The following LAMA4 variants were observed in gnomAD, a reference collection of about 807,000 sequenced individuals.
The protein encoded by LAMA4 is laminin subunit alpha-4.
Under a neutral mutation model 207.1 loss-of-function variants are expected in LAMA4, and 127 were observed. The observed-to-expected ratio is 0.61, with a 90% CI of 0.53 to 0.71. The LOEUF is 0.71. Among genes scored for constraint, LAMA4 ranks in the 30% least tolerant of loss-of-function variants. The pLI is 0.00. For missense variants in LAMA4, 2,093 were observed against 2,246.5 expected (o/e 0.93, Z 1.38); for synonymous variants, 761 against 816.0 (o/e 0.93, Z 1.15).
intron 14 of LAMA4, among the ~76,000 whole-genome samples, chr6:112,156,620 T>A (rs558791927): frequency 2.0e-4 from 30 of 152,300 alleles, no homozygotes; most frequent in Non-Finnish European, 1.5e-5. Context: ...TCCTTATTTT[T>A]TTTTCTCAGT....
At chr6:112,150,675 G>C (rs549638377) in intron 16 of LAMA4, 48 bp from the exon 17 acceptor site, 39 of 1,296,446 alleles carry the variant, frequency 3.0e-5, no homozygotes, top group Non-Finnish European at 4.4e-5. Context: ...AAGATGCCTC[G>C]AAAAGGATTC....
chr6:112,235,888 G>C (rs12206703), intron 2 of LAMA4, among the ~76,000 whole-genome samples: 40,510 of 152,076 alleles, frequency 0.27, 6,559 homozygotes, highest in Non-Finnish European at 0.37. Context: ...GCATGATTTG[G>C]TTATAAATTA....
At chr6:112,173,342 A>G (rs1185615517) in intron 11 of LAMA4, among the ~76,000 whole-genome samples, 1 of 152,230 alleles carries the variant, frequency 6.6e-6, no homozygotes, top group Non-Finnish European at 1.5e-5. Flanking sequence ...TGTGTCTTTT[A>G]TTCTCTGCTC....
intron 10 of LAMA4, 99 bp downstream of exon 10, chr6:112,178,022 G>A (rs1782123688): frequency 2.3e-6 from 2 of 868,928 alleles, no homozygotes; most frequent in Non-Finnish European, 2.0e-6. Flanking sequence ...CAAGTTCCTG[G>A]CACACAGCAA....
chr6:112,253,602 G>C, intron 2 of LAMA4: 1 of 773,206 alleles, frequency 1.3e-6, no homozygotes, highest in Non-Finnish European at 2.2e-6. Context: ...GGGCACACAC[G>C]TTAAGTGCCG....
chr6:112,115,662 A>T (rs769284233), intron 36 of LAMA4, among the ~76,000 whole-genome samples: 11 of 152,126 alleles, frequency 7.2e-5, no homozygotes, highest in Non-Finnish European at 1.5e-4. Flanking sequence ...TATTTTTATG[A>T]CTCTTTGTTT....
At chr6:112,184,324 G>GAAA (rs576885972) in intron 9 of LAMA4, among the ~76,000 whole-genome samples, 22 of 120,802 alleles carry the variant, frequency 1.8e-4, no homozygotes, top group South Asian at 2.6e-4. Flanking sequence ...AATATCATTA[G>GAAA]AAAAAAAAAA....
At chr6:112,210,739 G>C (rs1784314865) in intron 3 of LAMA4, among the ~76,000 whole-genome samples, 1 of 152,068 alleles carries the variant, frequency 6.6e-6, no homozygotes, top group Admixed American at 6.5e-5. Context: ...CACAACACAA[G>C]ATATCACACA....
intron 3 of LAMA4, 86 bp downstream of exon 3, chr6:112,216,282 C>T: frequency 1.1e-6 from 1 of 937,024 alleles, no homozygotes. Context: ...TCCTATGTGG[C>T]TCAAACATCC....
At chr6:112,238,138 C>T (rs2114329840) in intron 2 of LAMA4, among the ~76,000 whole-genome samples, 1 of 152,282 alleles carries the variant, frequency 6.6e-6, no homozygotes, top group Middle Eastern at 3.4e-3. Context: ...CATGAAGTCA[C>T]CTGGGAATGT....
intron 24 of LAMA4, 109 bp downstream of exon 24, chr6:112,139,011 T>C: frequency 8.9e-7 from 1 of 1,129,060 alleles, no homozygotes; most frequent in Non-Finnish European, 1.3e-6. Flanking sequence ...TAAACTAGAA[T>C]TTCAGTTTGA....
At chr6:112,167,840 TCACACACACACACA>T (rs71021873) in intron 12 of LAMA4, among the ~76,000 whole-genome samples, 3,646 of 125,892 alleles carry the variant, frequency 0.029, 88 homozygotes, top group African/African-American at 0.059. Context: ...ATGCATACCA[TCACACACACACACA>T]CACACACACA....
chr6:112,191,693 A>T lies in LAMA4; in HGVS notation c.661T>A (p.Cys221Ser). 6.2e-7 allele frequency: 1 copy of T among 1,614,128 alleles called. No individual in the cohort carries two copies. Among genetic ancestry groups the T allele is most frequent in the Non-Finnish European group, 8.5e-7 (1 of 1,180,002 alleles). ...NCLRNTTGFK[C>S]ERCAPGYYGD... is the part of the protein sequence containing the mutation. ...TAGTAGCCAGGAGCGCAACGTTCACACTTGAATCCGGTGGTGTTGCGTAAG... is the reference window on the plus strand; with the variant it reads ...TAGTAGCCAGGAGCGCAACGTTCACTCTTGAATCCGGTGGTGTTGCGTAAG... Residue 221 changes from cysteine (C) to serine (S), a missense_variant, in exon 6 of 39, where the codon TGT (cysteine) becomes AGT (serine). By Grantham distance (112) the Cys-to-Ser change is moderately radical. Around this residue, in one of 3 missense-constraint regions of LAMA4, gnomAD observed 1,704 missense variants for 1,788.4 expected, o/e 0.95. Transcript: ENST00000230538.
chr6:112,254,828 G>A (rs1787751766), upstream of LAMA4: 1 of 152,520 alleles, frequency 6.6e-6, no homozygotes, highest in Admixed American at 6.5e-5. Context: ...AGGAAAGTGG[G>A]TGGAAAAGGG....
rs895743921 is a variant in LAMA4, at chr6:112,136,641, G to A, written c.3283-387C>T. Among the ~76,000 whole-genome samples, 5 of 149,438 alleles carry A rather than the reference G, an allele frequency of 3.3e-5. No individual in the cohort carries two copies. The East Asian group carries it at 9.8e-4, about 29-fold the overall frequency. ...CGGGAGGTGGAAGTTACAGTGAGCC[G>A]AGATCGTGACACTGCACTCCAGCCT... On this transcript the variant is annotated intron_variant, in intron 24 of 38. Transcript: ENST00000230538.
intron 2 of LAMA4, among the ~76,000 whole-genome samples, chr6:112,222,411 C>T (rs548792042): frequency 1.3e-5 from 2 of 152,274 alleles, no homozygotes; most frequent in Admixed American, 6.5e-5. Context: ...CCCTACTTGG[C>T]CTAGAGAGTT....
intron 2 of LAMA4, among the ~76,000 whole-genome samples, chr6:112,240,274 G>T (rs1786312882): frequency 6.6e-6 from 1 of 151,730 alleles, no homozygotes. Flanking sequence ...TAAAATTGTT[G>T]TGGGTAAATA....
intron 13 of LAMA4, chr6:112,162,307 C>T (rs1217437264): frequency 1.3e-5 from 2 of 152,062 alleles, no homozygotes; most frequent in African/African-American, 4.8e-5. Context: ...TCCATCTCTA[C>T]TAAAAATACA....
intron 12 of LAMA4, among the ~76,000 whole-genome samples, chr6:112,168,508 G>A (rs1229058449): frequency 6.6e-6 from 1 of 151,866 alleles, no homozygotes; most frequent in Non-Finnish European, 1.5e-5. Flanking sequence ...ACCATGCCCA[G>A]CTAATTTTTG....
Sources: gnomAD v4.1 joint callset for allele counts (sites outside exome capture counted in the v4.1 genomes callset) on GRCh38, gnomAD v4.1.1 for gene constraint, gnomAD v4.1.1 regional missense constraint, MANE v1.5 for transcripts, NCBI Gene and HGNC (gene_info 2026-07-23, HGNC 2026-07-21) for gene names.